The following PI4KA variants were observed in gnomAD, a reference collection of about 807,000 sequenced individuals.
The protein encoded by PI4KA is phosphatidylinositol 4-kinase alpha, also known as PI4-kinase alpha.
In PI4KA, 122 loss-of-function variants were observed where a neutral mutation model predicts 271.4. That is an observed-to-expected ratio of 0.45 (90% CI 0.39 to 0.52). PI4KA has a LOEUF of 0.52. Ranked by LOEUF, PI4KA falls within the 20% of genes least tolerant of loss-of-function variation. PI4KA has a pLI of 0.00. For synonymous variants in PI4KA, 1,041 were observed against 1,078.8 expected, an observed-to-expected ratio of 0.96 and a Z score of 0.69; for missense variants, 1,969 against 2,769.1, an observed-to-expected ratio of 0.71 and a Z score of 6.48.
intron 1 of PI4KA, among the ~76,000 whole-genome samples, chr22:20,844,382 C>T (rs1317653192): frequency 6.6e-6 from 1 of 152,228 alleles, no homozygotes; most frequent in Non-Finnish European, 1.5e-5. Flanking sequence ...GTACCAGGCA[C>T]AGTGCTGGCA....
In PI4KA at chr22:20,751,663, G is replaced by A; in HGVS notation, c.3069+11C>T. On this transcript the variant is annotated intron_variant, in intron 26 of 54. Transcript: ENST00000255882. ...TGGTGTTTGGGCCCTAGGTCTCCTG[G>A]GGACACTCACAGCGCTCAGTGACAG... 6.2e-7 allele frequency: 1 copy of A among 1,611,320 alleles called. No individual in the cohort carries two copies. The highest frequency in any genetic ancestry group is 8.5e-7 in the Non-Finnish European group (1 of 1,177,452).
intron 19 of PI4KA, among the ~76,000 whole-genome samples, chr22:20,782,121 G>A (rs1319236398): frequency 6.6e-6 from 1 of 152,200 alleles, no homozygotes; most frequent in Non-Finnish European, 1.5e-5. Context: ...ATTTTTGGCA[G>A]CATCAAAGTC....
At chr22:20,839,158 A>G (rs1925249190) in intron 1 of PI4KA, among the ~76,000 whole-genome samples, 2 of 152,220 alleles carry the variant, frequency 1.3e-5, no homozygotes. Context: ...CAGAGGTTGT[A>G]GTGAGCCAAG....
At chr22:20,764,067 G>A (rs952106889) in intron 22 of PI4KA, among the ~76,000 whole-genome samples, 3 of 152,064 alleles carry the variant, frequency 2.0e-5, no homozygotes, top group Non-Finnish European at 4.4e-5. Context: ...ATTATTCTAC[G>A]ACTTATTTGC....
intron 9 of PI4KA, 92 bp downstream of exon 9, chr22:20,810,875 T>C (rs1202367895): frequency 2.1e-6 from 2 of 951,674 alleles, no homozygotes; most frequent in Non-Finnish European, 3.4e-6. Context: ...CAAAACCCCT[T>C]CCACTCCAGC....
chr22:20,799,660 TA>T lies in PI4KA; in HGVS notation c.1820+10del. The T allele has an allele frequency of 6.5e-7, 1 of 1,543,100 alleles. No individual in the cohort carries two copies. Among genetic ancestry groups the T allele is most frequent in the Non-Finnish European group, 8.8e-7 (1 of 1,139,248 alleles). On this transcript the variant is annotated intron_variant, in intron 15 of 54. Coordinates refer to ENST00000255882, the MANE Select transcript of PI4KA (RefSeq NM_058004.4). ...ATGGGCTGCCTCTGAGAGACAGGAA[TA>T]GGGGCGTACTTGTCGCTCTCCTGAG...
intron 42 of PI4KA, among the ~76,000 whole-genome samples, chr22:20,723,723 C>T (rs1325147272): frequency 2.0e-5 from 3 of 151,924 alleles, no homozygotes; most frequent in Non-Finnish European, 4.4e-5. Context: ...CCTAGCTACT[C>T]GGGAGGCTGG....
At chr22:20,768,740 T>C (rs1294459560) in intron 19 of PI4KA, among the ~76,000 whole-genome samples, 6 of 151,780 alleles carry the variant, frequency 4.0e-5, no homozygotes, top group African/African-American at 1.5e-4. Context: ...GACCTGGGGG[T>C]GCAGGGCAGG....
Position 20,712,614 on chromosome 22 carries a change from A to G in PI4KA, c.5677-3T>C, listed in dbSNP as rs1925443619. 1.3e-6 allele frequency: 2 copies of G among 1,579,420 alleles called. No individual in the cohort carries two copies. Among genetic ancestry groups the G allele is most frequent in the Non-Finnish European group, 1.7e-6 (2 of 1,162,768 alleles). On this transcript the variant is annotated splice_polypyrimidine_tract_variant and splice_region_variant and intron_variant, in intron 49 of 54. Coordinates refer to ENST00000255882, the MANE Select transcript of PI4KA (RefSeq NM_058004.4). Reference sequence around the variant, plus strand: ...GGGATGCACTCGATCACCCCGCACTAGGAGGAAAGGCCAGTTCTGAGGCCC... The same window carrying G: ...GGGATGCACTCGATCACCCCGCACTGGGAGGAAAGGCCAGTTCTGAGGCCC...
intron 32 of PI4KA, among the ~76,000 whole-genome samples, chr22:20,738,380 C>T (rs187661107): frequency 1.4e-4 from 22 of 152,292 alleles, no homozygotes; most frequent in African/African-American, 5.1e-4. Flanking sequence ...ACTAGTGCAG[C>T]CCACATGCAT....
At chr22:20,848,336 T>C (rs1026539911) in intron 1 of PI4KA, among the ~76,000 whole-genome samples, 1 of 152,064 alleles carries the variant, frequency 6.6e-6, no homozygotes, top group African/African-American at 2.4e-5. Flanking sequence ...GGTGAGTTCT[T>C]TGCAGAAACT....
At chr22:20,792,782 C>T (rs1295837598) in intron 19 of PI4KA, among the ~76,000 whole-genome samples, 2 of 152,158 alleles carry the variant, frequency 1.3e-5, no homozygotes, top group African/African-American at 4.8e-5. Flanking sequence ...AGCTCCGAGG[C>T]CTGAGCGCCG....
At chr22:20,806,787 G>A (rs1935678486) in intron 10 of PI4KA, among the ~76,000 whole-genome samples, 1 of 151,924 alleles carries the variant, frequency 6.6e-6, no homozygotes, top group Non-Finnish European at 1.5e-5. Context: ...CTGGAGTGCA[G>A]TGGCACGATC....
chr22:20,728,118 G>A (rs1047396697), intron 39 of PI4KA, among the ~76,000 whole-genome samples: 2 of 152,190 alleles, frequency 1.3e-5, no homozygotes, highest in African/African-American at 4.8e-5. Context: ...TGGATTGTTT[G>A]TAACTCCAAG....
intron 3 of PI4KA, among the ~76,000 whole-genome samples, chr22:20,829,261 T>C (rs1037117630): frequency 4.6e-5 from 7 of 152,194 alleles, no homozygotes; most frequent in Admixed American, 1.3e-4. Context: ...TCTGGTAGAA[T>C]TCAGCTGTGA....
chr22:20,746,719 C>T (rs972117487), intron 29 of PI4KA, among the ~76,000 whole-genome samples: 2 of 152,210 alleles, frequency 1.3e-5, no homozygotes, highest in African/African-American at 4.8e-5. Flanking sequence ...CAGGTGCAGG[C>T]TGGACCCAGC....
chr22:20,731,267 T>C (rs912492661), intron 36 of PI4KA, among the ~76,000 whole-genome samples: 13 of 152,232 alleles, frequency 8.5e-5, no homozygotes, highest in East Asian at 3.8e-4. Context: ...CGGCAACGTA[T>C]AGTCCTTTAG....
intron 7 of PI4KA, among the ~76,000 whole-genome samples, chr22:20,818,038 T>C (rs1204667950): frequency 6.6e-6 from 1 of 151,944 alleles, no homozygotes. Context: ...GGCAAGAGAA[T>C]TGCTTGAACC....
Position 20,711,350 on chromosome 22 carries a change from T to C in PI4KA, c.5914A>G (p.Ile1972Val). The C allele has an allele frequency of 1.5e-6, 2 of 1,375,802 alleles. 1 individual carries two copies. Among genetic ancestry groups the C allele is most frequent in the Non-Finnish European group, 2.0e-6 (2 of 1,000,870 alleles). The allele number at this position is 1,375,802 out of a possible 1,614,324, so 85.2% of individuals were successfully genotyped here. Residue 1972 changes from isoleucine to valine, a missense_variant, in exon 51 of 55, where the codon ATC (isoleucine) becomes GTC (valine). Coordinates refer to ENST00000255882, the MANE Select transcript of PI4KA (RefSeq NM_058004.4). ...GCTGTGGCTGGCTGACCGATGTGGA[T>C]GATATGACCCTTCTTGTCCAGCATA... ...NIMLDKKGHI[I>V]HIDFGFMFES...
Sources: allele counts gnomAD v4.1 joint callset (sites outside exome capture counted in the v4.1 genomes callset), GRCh38; gene constraint gnomAD v4.1.1; transcripts MANE v1.5; gene names NCBI Gene and HGNC (gene_info 2026-07-23, HGNC 2026-07-21).